The following DHRS3 variants were observed in gnomAD, a reference collection of about 807,000 sequenced individuals.
DHRS3 encodes the protein dehydrogenase/reductase 3.
DHRS3 carries 14 observed loss-of-function variants against 27.2 expected under a neutral mutation model. The observed-to-expected ratio is 0.52, with a 90% CI of 0.34 to 0.81. DHRS3 has a LOEUF of 0.81. Ranked by LOEUF, DHRS3 falls within the 30% of genes least tolerant of loss-of-function variation. DHRS3 has a pLI of 0.01. For synonymous variants in DHRS3, 165 were observed against 175.9 expected, an observed-to-expected ratio of 0.94 and a Z score of 0.49; for missense variants, 322 against 406.2, an observed-to-expected ratio of 0.79 and a Z score of 1.78.
intron 1 of DHRS3, among the ~76,000 whole-genome samples, chr1:12,614,740 C>A (rs1458474175): frequency 6.7e-6 from 1 of 148,454 alleles, no homozygotes; most frequent in Non-Finnish European, 1.5e-5. Flanking sequence ...TGGGGTCTTC[C>A]CCCTCCCAGA....
chr1:12,577,604 C>A (rs1646601189), intron 4 of DHRS3, among the ~76,000 whole-genome samples: 1 of 152,152 alleles, frequency 6.6e-6, no homozygotes, highest in Non-Finnish European at 1.5e-5. Context: ...GTGGGTGGAT[C>A]ACCTGAGGTT....
chr1:12,606,069 C>T (rs1173071305), intron 1 of DHRS3, among the ~76,000 whole-genome samples: 2 of 144,012 alleles, frequency 1.4e-5, no homozygotes, highest in African/African-American at 2.6e-5. Flanking sequence ...ACCCAGGAGG[C>T]GGAGGTTGCA....
At chr1:12,607,687 C>A (rs948663541) in intron 1 of DHRS3, among the ~76,000 whole-genome samples, 4 of 152,096 alleles carry the variant, frequency 2.6e-5, no homozygotes, top group African/African-American at 9.7e-5. Context: ...CATTTCTCTT[C>A]AGCTAATGAT....
chr1:12,616,049 T>A (rs571488789), intron 1 of DHRS3, among the ~76,000 whole-genome samples: 2 of 152,210 alleles, frequency 1.3e-5, no homozygotes, highest in Non-Finnish European at 2.9e-5. Context: ...CCCGGAGGAA[T>A]TGTAAATCTC....
chr1:12,609,017 C>T (rs569288577), intron 1 of DHRS3, among the ~76,000 whole-genome samples: 2 of 152,334 alleles, frequency 1.3e-5, no homozygotes, highest in African/African-American at 4.8e-5. Flanking sequence ...CCCCAGAAGT[C>T]GTTTGACAAA....
intron 1 of DHRS3, among the ~76,000 whole-genome samples, chr1:12,588,237 C>T (rs1281990247): frequency 2.0e-5 from 3 of 151,324 alleles, no homozygotes; most frequent in African/African-American, 7.4e-5. Flanking sequence ...TCCTTCCAGC[C>T]TCCCCACAAC....
intron 1 of DHRS3, among the ~76,000 whole-genome samples, chr1:12,585,819 C>T (rs1051230724): frequency 3.9e-5 from 6 of 152,168 alleles, no homozygotes; most frequent in Non-Finnish European, 8.8e-5. Flanking sequence ...CGGGCGGAGG[C>T]GGGCGTCTGA....
chr1:12,592,976 C>T lies in DHRS3; in HGVS notation c.196-12310G>A, dbSNP rs1163663304. On this transcript the variant is annotated intron_variant, in intron 1 of 5. Transcript: ENST00000616661. The surrounding 1 kb of genome is among the most constrained non-coding windows in gnomAD (Gnocchi z 4.2). ...TCGCCACCTCCACGGCGCCTTGGGGCCCTGCCTCAGCGCCCTTCACCTGGA... is the reference window on the plus strand; with the variant it reads ...TCGCCACCTCCACGGCGCCTTGGGGTCCTGCCTCAGCGCCCTTCACCTGGA... Among the ~76,000 whole-genome samples the T allele has an allele frequency of 6.6e-6, 1 of 152,222 alleles. No homozygotes were observed. Among genetic ancestry groups the T allele is most frequent in the Non-Finnish European group, 1.5e-5 (1 of 68,034 alleles).
Position 12,618,205 on chromosome 1 carries a change from G to C in DHRS3, c.-857C>G, listed in dbSNP as rs1220842402. Among the ~76,000 whole-genome samples, 1 of 152,166 alleles carries C rather than the reference G, an allele frequency of 6.6e-6. No homozygotes were observed. The highest frequency in any genetic ancestry group is 1.9e-4 in the East Asian group (1 of 5,184). ...GAGGGTCCGGGTGTGGAGCGCGCGT[G>C]GATCGGACGCCTTGGTCTGCGCGGC... On this transcript the variant is annotated 5_prime_UTR_variant, in exon 1 of 6. Coordinates refer to ENST00000616661, the MANE Select transcript of DHRS3 (RefSeq NM_004753.7). This position sits in a 1 kb window ranked among gnomAD's most constrained non-coding sequence, Gnocchi z 4.2.
chr1:12,579,997 G>A (rs768707388), intron 2 of DHRS3: 67 of 191,540 alleles, frequency 3.5e-4, no homozygotes, highest in Admixed American at 2.7e-3. Flanking sequence ...AGAGAACTGC[G>A]TCTCTGAGCG....
In DHRS3 at chr1:12,579,372, A is replaced by G. The variant is rs1425066965; in HGVS notation, c.380T>C (p.Val127Ala). 1 of 1,613,940 alleles carries G rather than the reference A, an allele frequency of 6.2e-7. No individual in the cohort carries two copies. Among genetic ancestry groups the G allele is most frequent in the African/African-American group, 1.3e-5 (1 of 74,860 alleles). ...ITILVNNAAV[V>A]HGKSLMDSDD... ...ACTGTCCATTAGGCTCTTCCCATGG[A>G]CCACGGCGGCATTGTTCACCAGGAT... Residue 127 changes from valine to alanine, a missense_variant, in exon 3 of 6, where the codon GTC becomes GCC. Transcript: ENST00000616661.
chr1:12,589,808 ACT>A (rs897778738), intron 1 of DHRS3, among the ~76,000 whole-genome samples: 5 of 151,890 alleles, frequency 3.3e-5, no homozygotes, highest in African/African-American at 1.2e-4. Flanking sequence ...ACATAGCAAG[ACT>A]CTGTCTCTGT....
chr1:12,593,776 A>G lies in DHRS3; in HGVS notation c.196-13110T>C, dbSNP rs1393222259. On this transcript the variant is annotated intron_variant, in intron 1 of 5. Transcript: ENST00000616661. The surrounding 1 kb of genome is among the most constrained non-coding windows in gnomAD (Gnocchi z 4.6). ...CTCATCCCTGGGTGTGATTCTTGCGAAACTTTTTGGTTCTGGGACCACTCA... is the reference window on the plus strand; with the variant it reads ...CTCATCCCTGGGTGTGATTCTTGCGGAACTTTTTGGTTCTGGGACCACTCA... Among the ~76,000 whole-genome samples the G allele has an allele frequency of 6.6e-6, 1 of 152,288 alleles. No homozygotes were observed. The highest frequency in any genetic ancestry group is 2.4e-5 in the African/African-American group (1 of 41,566).
chr1:12,597,236 C>A (rs1646805122), intron 1 of DHRS3, among the ~76,000 whole-genome samples: 1 of 152,200 alleles, frequency 6.6e-6, no homozygotes, highest in Non-Finnish European at 1.5e-5. Flanking sequence ...ACCACCGCAC[C>A]TGGCTAATTT....
rs1193349397 is a variant in DHRS3, at chr1:12,593,628, C to A, written c.196-12962G>T. On this transcript the variant is annotated intron_variant, in intron 1 of 5. Transcript: ENST00000616661. The surrounding 1 kb of genome is among the most constrained non-coding windows in gnomAD (Gnocchi z 4.6). ...CTACCCTTCTTTGATTTCCTCCTTC[C>A]CAGTTGCTGAGACAGGCATGTCTCC... Among the ~76,000 whole-genome samples the A allele has an allele frequency of 1.3e-5, 2 of 152,282 alleles. No individual in the cohort carries two copies.
At chr1:12,598,023 A>C (rs1646810462) in intron 1 of DHRS3, among the ~76,000 whole-genome samples, 1 of 152,138 alleles carries the variant, frequency 6.6e-6, no homozygotes, top group Admixed American at 6.5e-5. Flanking sequence ...AGGAAACACA[A>C]ACACAGCTCC....
intron 1 of DHRS3, among the ~76,000 whole-genome samples, chr1:12,600,199 C>CTGTG (rs762363489): frequency 4.7e-5 from 7 of 149,904 alleles, no homozygotes; most frequent in Admixed American, 1.3e-4. Context: ...AACCGCACAT[C>CTGTG]TGTGTGTGTG....
rs548419993 is a variant in DHRS3 at position 12,574,535 on chromosome 1, G to C, written c.699-1682C>G. On this transcript the variant is annotated intron_variant, in intron 4 of 5. Coordinates refer to ENST00000616661, the MANE Select transcript of DHRS3 (RefSeq NM_004753.7). This position sits in a 1 kb window ranked among gnomAD's most constrained non-coding sequence, Gnocchi z 4.6. ...AGGGGCCAGCCTCTGCCATTCTACA[G>C]AGATGAACGTGTTGAGGCAGCTCAC... is the stretch of plus-strand genomic sequence containing the variant. 6.6e-6 allele frequency among the ~76,000 whole-genome samples: 1 copy of C among 152,306 alleles called. No individual in the cohort carries two copies. Among genetic ancestry groups the C allele is most frequent in the Admixed American group, 6.5e-5 (1 of 15,310 alleles).
At chr1:12,582,875 C>A (rs1553121029) in intron 1 of DHRS3, among the ~76,000 whole-genome samples, 29,451 of 136,712 alleles carry the variant, frequency 0.22, 3,127 homozygotes, top group Non-Finnish European at 0.24. Context: ...CCATCCATCC[C>A]TCCCTCCCTC....
Sources: gnomAD v4.1 joint callset for allele counts (sites outside exome capture counted in the v4.1 genomes callset) on GRCh38, gnomAD v4.1.1 for gene constraint, Gnocchi (gnomAD v3.1) non-coding constraint, MANE v1.5 for transcripts, NCBI Gene and HGNC (gene_info 2026-07-23, HGNC 2026-07-21) for gene names.